Variants in SCP2 observed in about 807,000 individuals in gnomAD.
The protein encoded by SCP2 is SCP-2/3-oxoacyl-CoA thiolase.
Under a neutral mutation model 71.4 loss-of-function variants are expected in SCP2, and 48 were observed. The observed-to-expected ratio is 0.67, with a 90% CI of 0.53 to 0.86. The LOEUF is 0.86. SCP2 is among the 40% of genes least tolerant of loss of function. The pLI, the probability that SCP2 is intolerant of heterozygous loss-of-function variation, is 0.00. For synonymous variants in SCP2, 220 were observed against 218.1 expected (o/e 1.01, Z -0.08); for missense variants, 560 against 655.6 (o/e 0.85, Z 1.59).
At chr1:52,994,797 C>A in intron 11 of SCP2, 1 of 545,974 alleles carries the variant, frequency 1.8e-6, no homozygotes. Flanking sequence ...GGGATGTGAT[C>A]AGTGATGAAC....
chr1:52,943,309 G>C (rs913426420), intron 2 of SCP2, among the ~76,000 whole-genome samples: 1 of 150,670 alleles, frequency 6.6e-6, no homozygotes, highest in African/African-American at 2.4e-5. Context: ...TGCAAGCTCC[G>C]CCTCCCGGGT....
intron 2 of SCP2, chr1:52,943,839 A>G: frequency 4.4e-6 from 2 of 450,776 alleles, no homozygotes. Flanking sequence ...CCTGCAGTAG[A>G]GGGCACACTC....
chr1:52,990,056 A>G (rs1301502941), intron 11 of SCP2, among the ~76,000 whole-genome samples: 1 of 152,234 alleles, frequency 6.6e-6, no homozygotes, highest in Non-Finnish European at 1.5e-5. Flanking sequence ...TAGTTCAGTC[A>G]TTTAAGGACA....
intron 11 of SCP2, chr1:52,994,804 G>A (rs1659805317): frequency 1.8e-6 from 1 of 543,186 alleles, no homozygotes; most frequent in African/African-American, 1.9e-5. Flanking sequence ...GATCAGTGAT[G>A]AACGTGAAAT....
At chr1:53,016,153 G>A (rs1027267698) in intron 12 of SCP2, among the ~76,000 whole-genome samples, 3 of 152,020 alleles carry the variant, frequency 2.0e-5, no homozygotes, top group Non-Finnish European at 4.4e-5. Flanking sequence ...TTATTCTTCT[G>A]TAAGCTCTTG....
chr1:53,039,954 T>A (rs1227323365), intron 14 of SCP2, among the ~76,000 whole-genome samples: 1 of 152,200 alleles, frequency 6.6e-6, no homozygotes, highest in Non-Finnish European at 1.5e-5. Context: ...AAGTATGTAC[T>A]CCTCCTGCTG....
intron 14 of SCP2, 121 bp downstream of exon 14, chr1:53,039,167 A>G: frequency 8.2e-7 from 1 of 1,226,070 alleles, no homozygotes; most frequent in Non-Finnish European, 1.2e-6. Context: ...TTAAAGAACC[A>G]GTAAATTCCA....
At chr1:52,942,335 C>G (rs1654331113) in intron 2 of SCP2, among the ~76,000 whole-genome samples, 1 of 152,096 alleles carries the variant, frequency 6.6e-6, no homozygotes, top group African/African-American at 2.4e-5. Context: ...CAGTTTGTTA[C>G]TGTTTATTAT....
intron 3 of SCP2, among the ~76,000 whole-genome samples, chr1:52,949,202 CAA>C (rs1365905694): frequency 2.0e-5 from 3 of 151,988 alleles, no homozygotes; most frequent in African/African-American, 7.3e-5. Context: ...ATCAAGATAT[CAA>C]GAGAATTCTA....
At chr1:53,025,159 T>C (rs998228925) in intron 12 of SCP2, among the ~76,000 whole-genome samples, 8 of 152,200 alleles carry the variant, frequency 5.3e-5, no homozygotes, top group African/African-American at 1.9e-4. Context: ...TAGTGGATAC[T>C]TGACCTTGTG....
At chr1:53,008,927 CAA>C (rs1660809967) in intron 11 of SCP2, among the ~76,000 whole-genome samples, 1 of 151,730 alleles carries the variant, frequency 6.6e-6, no homozygotes, top group Non-Finnish European at 1.5e-5. Context: ...GCAACTTCAG[CAA>C]AGTCTCAGGG....
At chr1:53,032,109 GA>G (rs1476394621) in intron 13 of SCP2, among the ~76,000 whole-genome samples, 1 of 152,238 alleles carries the variant, frequency 6.6e-6, no homozygotes, top group Non-Finnish European at 1.5e-5. Flanking sequence ...AGATTTTAAG[GA>G]ATGTGAAGAA....
intron 2 of SCP2, among the ~76,000 whole-genome samples, chr1:52,946,175 T>C (rs1053563081): frequency 2.6e-5 from 4 of 151,720 alleles, no homozygotes; most frequent in African/African-American, 9.7e-5. Context: ...GGAATGCTCC[T>C]GCCTTGGTCT....
At chr1:52,993,954 TTAA>T in intron 11 of SCP2, 1 of 1,329,434 alleles carries the variant, frequency 7.5e-7, no homozygotes, top group Non-Finnish European at 9.7e-7. Context: ...AATTGCAGTT[TTAA>T]TAGAAATACA....
At chr1:53,037,755 C>T (rs1326728453) in intron 13 of SCP2, among the ~76,000 whole-genome samples, 5 of 151,952 alleles carry the variant, frequency 3.3e-5, no homozygotes, top group Non-Finnish European at 7.4e-5. Context: ...CAAAAATATA[C>T]ATAAGGCTAG....
intron 14 of SCP2, among the ~76,000 whole-genome samples, chr1:53,040,929 C>A (rs1315034321): frequency 6.6e-6 from 1 of 152,034 alleles, no homozygotes; most frequent in African/African-American, 2.4e-5. Context: ...TTAGAATGTA[C>A]CCGAGACATG....
intron 6 of SCP2, among the ~76,000 whole-genome samples, chr1:52,971,707 C>T (rs1214484815): frequency 6.6e-6 from 1 of 152,204 alleles, no homozygotes. Flanking sequence ...CCAGCCAGGC[C>T]TGTCCATCTA....
At chr1:53,047,524 C>T (rs1204482228) in intron 14 of SCP2, among the ~76,000 whole-genome samples, 1 of 152,140 alleles carries the variant, frequency 6.6e-6, no homozygotes, top group African/African-American at 2.4e-5. Flanking sequence ...TTGTAACTGG[C>T]TTATATAATA....
At chr1:53,039,139 A>G in intron 14 of SCP2, 93 bp downstream of exon 14, 1 of 1,464,834 alleles carries the variant, frequency 6.8e-7, no homozygotes. Context: ...TGTTCCCAAA[A>G]AGGACTGGCT....
Sources: allele counts gnomAD v4.1 joint callset (sites outside exome capture counted in the v4.1 genomes callset), GRCh38; gene constraint gnomAD v4.1.1; transcripts MANE v1.5; gene names NCBI Gene and HGNC (gene_info 2026-07-23, HGNC 2026-07-21).